The following MBP variants were observed in gnomAD, a reference collection of about 807,000 sequenced individuals.
The protein encoded by MBP is Golli-MBP.
Under a neutral mutation model 35.8 loss-of-function variants are expected in MBP, and 16 were observed. The observed-to-expected ratio is 0.45, with a 90% CI of 0.30 to 0.68. MBP has a LOEUF of 0.68. Among genes scored for constraint, MBP ranks in the 30% least tolerant of loss-of-function variants. MBP has a pLI of 0.08. For synonymous variants in MBP, 143 were observed against 159.6 expected, an observed-to-expected ratio of 0.90 and a Z score of 0.78; for missense variants, 380 against 404.7, an observed-to-expected ratio of 0.94 and a Z score of 0.52.
chr18:77,066,498 ATC>A (rs1974205280), intron 2 of MBP, 113 bp from the exon 3 acceptor site: 2 of 808,646 alleles, frequency 2.5e-6, no homozygotes, highest in African/African-American at 1.7e-5. Context: ...TCAGTTTCAC[ATC>A]TGTTTTCAAG....
intron 2 of MBP, among the ~76,000 whole-genome samples, chr18:77,090,708 C>T (rs1344437977): frequency 6.6e-6 from 1 of 152,206 alleles, no homozygotes; most frequent in African/African-American, 2.4e-5. Context: ...TTATCAGCCT[C>T]ACCTTCCTGA....
At chr18:77,045,289 C>T (rs920667590) in intron 3 of MBP, among the ~76,000 whole-genome samples, 4 of 120,208 alleles carry the variant, frequency 3.3e-5, no homozygotes, top group Admixed American at 8.9e-5. Context: ...GACCTGCTGC[C>T]GGCAGCACCT....
chr18:77,066,359 A>G lies in MBP; in HGVS notation c.78T>C (p.Ser26=), dbSNP rs1974199526. Residue 26 remains serine (S), a synonymous_variant, in exon 3 of 9, where the codon TCT becomes TCC. Transcript: ENST00000355994. ...GTTCACCCAGGTTTCTCTTTTTTTC[A>G]GATTCTCCTCTGTTAGTTTCACTAT... ...STNSETNRGE[S]EKKRNLGELS... 2.5e-6 allele frequency: 4 copies of G among 1,613,278 alleles called. No homozygotes were observed. The Admixed American group carries it at 5.0e-5, about 20-fold the overall frequency.
chr18:77,118,612 C>CCACACACA (rs71174609), intron 1 of MBP, among the ~76,000 whole-genome samples: 80 of 134,280 alleles, frequency 6.0e-4, no homozygotes, highest in East Asian at 4.7e-3. Flanking sequence ...TCCACAGACA[C>CCACACACA]CACACACACA....
At chr18:77,100,559 TC>T (rs752735484) in intron 2 of MBP, among the ~76,000 whole-genome samples, 6,165 of 148,398 alleles carry the variant, frequency 0.042, 237 homozygotes, top group South Asian at 0.079. Context: ...TGTGGTTTTT[TC>T]TTTTTTTTGA....
chr18:77,030,932 A>C (rs112976189), intron 3 of MBP, among the ~76,000 whole-genome samples: 23 of 152,216 alleles, frequency 1.5e-4, no homozygotes, highest in African/African-American at 5.3e-4. Context: ...AGTTCAAGTC[A>C]AGTCCTTCGG....
rs1029611643 is a variant in MBP, at chr18:77,062,267, G to A, written c.139+4031C>T. On this transcript the variant is annotated intron_variant, in intron 3 of 8. Transcript: ENST00000355994. ...CCCCACGATTAGTCAACTCTGGCGG[G>A]AGAAGAGGTGGAGACTGACTCCTGC... 2.0e-5 allele frequency among the ~76,000 whole-genome samples: 3 copies of A among 152,326 alleles called. No individual in the cohort carries two copies. In the East Asian group the frequency reaches 5.8e-4, roughly 29 times the overall value.
chr18:77,077,990 C>A (rs188760414), intron 2 of MBP, among the ~76,000 whole-genome samples: 72 of 152,334 alleles, frequency 4.7e-4, no homozygotes, highest in Middle Eastern at 6.8e-3. Context: ...GAGCTGCACC[C>A]CCCTGCCCCG....
At chr18:76,987,955 A>G in intron 7 of MBP, 1 of 1,164,646 alleles carries the variant, frequency 8.6e-7, no homozygotes, top group Non-Finnish European at 1.1e-6. Context: ...CTTGATATCT[A>G]TGTTTTAATT....
intron 2 of MBP, among the ~76,000 whole-genome samples, chr18:77,084,385 C>T (rs544844308): frequency 6.8e-6 from 1 of 147,124 alleles, no homozygotes; most frequent in Admixed American, 6.9e-5. Context: ...AAAACCACAA[C>T]CCTGCAAAAA....
chr18:77,084,566 G>C (rs1975145047), intron 2 of MBP, among the ~76,000 whole-genome samples: 1 of 151,934 alleles, frequency 6.6e-6, no homozygotes, highest in Non-Finnish European at 1.5e-5. Context: ...CATTATGTCA[G>C]AACAATGTAT....
chr18:77,052,613 G>C (rs949647383), intron 3 of MBP, among the ~76,000 whole-genome samples: 1 of 152,212 alleles, frequency 6.6e-6, no homozygotes, highest in Non-Finnish European at 1.5e-5. Flanking sequence ...AACTTGAAGC[G>C]AATGCAGCTA....
At chr18:77,111,398 C>G (rs1976445771) in intron 1 of MBP, among the ~76,000 whole-genome samples, 1 of 152,172 alleles carries the variant, frequency 6.6e-6, no homozygotes, top group African/African-American at 2.4e-5. Context: ...AGGTGCAGAC[C>G]CAGTATCCCA....
intron 2 of MBP, among the ~76,000 whole-genome samples, chr18:77,081,797 T>TACACACACACAC (rs1568329920): frequency 0.017 from 945 of 57,062 alleles, 15 homozygotes; most frequent in African/African-American, 0.054. Context: ...CACACACGTA[T>TACACACACACAC]ATATATATGC....
At chr18:77,130,709 A>G (rs1977214474) in intron 1 of MBP, among the ~76,000 whole-genome samples, 1 of 149,642 alleles carries the variant, frequency 6.7e-6, no homozygotes, top group Non-Finnish European at 1.5e-5. Context: ...TTTTTTCCCC[A>G]GCGTTTCGTG....
chr18:77,059,370 TTCA>T (rs901378168), intron 3 of MBP, among the ~76,000 whole-genome samples: 3 of 152,240 alleles, frequency 2.0e-5, no homozygotes, highest in African/African-American at 7.2e-5. Context: ...TATTTTTTAG[TTCA>T]TCAATTAATC....
chr18:77,055,577 C>T (rs1026640090), intron 3 of MBP, among the ~76,000 whole-genome samples: 1 of 147,598 alleles, frequency 6.8e-6, no homozygotes, highest in Non-Finnish European at 1.5e-5. Flanking sequence ...CCTTTTCTTT[C>T]TCTTTCTTTC....
chr18:77,025,975 C>T (rs1323308724), intron 3 of MBP, among the ~76,000 whole-genome samples: 2 of 152,198 alleles, frequency 1.3e-5, no homozygotes, highest in Admixed American at 6.5e-5. Context: ...CCTGCGGCAC[C>T]GTGAGTGCAT....
At chr18:77,110,805 ATAT>A (rs1278119281) in intron 1 of MBP, among the ~76,000 whole-genome samples, 2 of 152,236 alleles carry the variant, frequency 1.3e-5, no homozygotes, top group African/African-American at 2.4e-5. Flanking sequence ...ACATGAGAAT[ATAT>A]TATAAAACAT....
Sources: allele counts gnomAD v4.1 joint callset (sites outside exome capture counted in the v4.1 genomes callset), GRCh38; gene constraint gnomAD v4.1.1; transcripts MANE v1.5; gene names NCBI Gene and HGNC (gene_info 2026-07-23, HGNC 2026-07-21).